The following AQR variants were observed in gnomAD, a reference collection of about 807,000 sequenced individuals.
AQR encodes the protein aquarius intron-binding spliceosomal factor, also known as RNA helicase aquarius.
AQR carries 61 observed loss-of-function variants against 180.5 expected under a neutral mutation model. The ratio of observed to expected loss-of-function variants is 0.34; its 90% CI spans 0.28 to 0.42. AQR has a LOEUF of 0.42. Ranked by LOEUF, AQR falls within the 10% of genes least tolerant of loss-of-function variation. AQR has a pLI of 1.00. For missense variants in AQR, 1,281 were observed against 1,798.3 expected (o/e 0.71, Z 5.20); for synonymous variants, 551 against 588.8 (o/e 0.94, Z 0.93).
intron 31 of AQR, chr15:34,869,139 T>A (rs1408168504): frequency 6.6e-6 from 1 of 151,974 alleles, no homozygotes; most frequent in Non-Finnish European, 1.5e-5. Flanking sequence ...AGTTCTAGAG[T>A]TTCAGTTGTT....
intron 12 of AQR, 39 bp from the exon 13 acceptor site, chr15:34,927,177 T>G (rs773580854): frequency 2.0e-5 from 23 of 1,168,466 alleles, no homozygotes; most frequent in Non-Finnish European, 2.8e-5. Flanking sequence ...AATTAATGTC[T>G]ACATATTAAT....
At chr15:34,925,787 C>T (rs897393173) in intron 13 of AQR, among the ~76,000 whole-genome samples, 7 of 150,896 alleles carry the variant, frequency 4.6e-5, no homozygotes, top group South Asian at 4.2e-4. Flanking sequence ...GAGCCGAGAT[C>T]GCACCACTGC....
At chr15:34,938,836 C>A (rs781669885) in intron 8 of AQR, 23 bp from the exon 9 acceptor site, 2 of 1,533,446 alleles carry the variant, frequency 1.3e-6, no homozygotes, top group Admixed American at 1.8e-5. Flanking sequence ...AGAACATTGA[C>A]CAATTATTTT....
intron 14 of AQR, among the ~76,000 whole-genome samples, chr15:34,919,481 T>C (rs954201237): frequency 1.3e-5 from 2 of 152,322 alleles, no homozygotes; most frequent in East Asian, 1.9e-4. Flanking sequence ...TGTAGCACTA[T>C]ACATTTTAAA....
chr15:34,952,976 G>T, intron 3 of AQR, 56 bp from the exon 4 acceptor site: 1 of 1,044,640 alleles, frequency 9.6e-7, no homozygotes. Context: ...ACGTTTCAGA[G>T]TTATTAACAC....
intron 3 of AQR, among the ~76,000 whole-genome samples, chr15:34,956,669 C>G (rs2140505853): frequency 2.2e-5 from 1 of 44,612 alleles, no homozygotes; most frequent in Admixed American, 2.7e-4. Flanking sequence ...AATAAAAGAA[C>G]AGAACAGAAT....
At chr15:34,927,160 T>A in intron 12 of AQR, 22 bp from the exon 13 acceptor site, 1 of 1,382,686 alleles carries the variant, frequency 7.2e-7, no homozygotes, top group African/African-American at 1.5e-5. Flanking sequence ...TGGCAAAAAA[T>A]ATTAATAATT....
intron 24 of AQR, among the ~76,000 whole-genome samples, chr15:34,887,735 A>C (rs1006710881): frequency 6.6e-6 from 1 of 152,230 alleles, no homozygotes; most frequent in East Asian, 1.9e-4. Flanking sequence ...ACAAAAGAAG[A>C]AGTCATGTTC....
At chr15:34,961,992 G>A (rs2050282183) in intron 2 of AQR, among the ~76,000 whole-genome samples, 3 of 150,930 alleles carry the variant, frequency 2.0e-5, no homozygotes, top group Admixed American at 2.0e-4. Flanking sequence ...GCTTTAACAT[G>A]CTATAATATT....
intron 3 of AQR, among the ~76,000 whole-genome samples, chr15:34,953,327 T>C (rs1043605755): frequency 1.3e-5 from 2 of 152,232 alleles, no homozygotes; most frequent in African/African-American, 2.4e-5. Context: ...AACAATGATA[T>C]AGTCATGTTT....
Position 34,867,507 on chromosome 15 carries a change from A to G in AQR, c.3854+17T>C, listed in dbSNP as rs181960495. 3.0e-4 allele frequency: 488 copies of G among 1,600,766 alleles called. 1 individual carries two copies. The African/African-American group carries it at 5.9e-3, about 19-fold the overall frequency. ...AGTAAAGTTCAATAAATATTATGAA[A>G]GTTTTTTCCTACGTACCTCAGATGG... On this transcript the variant is annotated intron_variant, in intron 32 of 34. Transcript: ENST00000156471.
chr15:34,925,824 C>G (rs570336099), intron 13 of AQR, among the ~76,000 whole-genome samples: 1 of 151,280 alleles, frequency 6.6e-6, no homozygotes, highest in African/African-American at 2.4e-5. Context: ...TAGAGCAAGA[C>G]TCCGTCTCAA....
At chr15:34,916,978 C>T (rs1364674612) in intron 15 of AQR, among the ~76,000 whole-genome samples, 2 of 151,870 alleles carry the variant, frequency 1.3e-5, no homozygotes, top group African/African-American at 4.8e-5. Flanking sequence ...CTTGTAACCA[C>T]CTTGTCAGCT....
chr15:34,919,718 G>A (rs985655278), intron 14 of AQR, among the ~76,000 whole-genome samples: 6 of 151,920 alleles, frequency 3.9e-5, no homozygotes, highest in Admixed American at 3.3e-4. Flanking sequence ...CCAACGTGGC[G>A]AAACTCTATC....
Position 34,860,448 on chromosome 15 carries a change from T to C in AQR, c.4030-293A>G, listed in dbSNP as rs3858931. Reference sequence around the variant, plus strand: ...GACTTCATGAAGAATAGTGATTCCATTGAAATTTAGAAAGGTTAGAGACTA... The same window carrying C: ...GACTTCATGAAGAATAGTGATTCCACTGAAATTTAGAAAGGTTAGAGACTA... On this transcript the variant is annotated intron_variant, in intron 33 of 34. Transcript: ENST00000156471. Among the ~76,000 whole-genome samples, 74,137 of 151,594 alleles carry C rather than the reference T, an allele frequency of 0.49. 19,642 individuals carry two copies. Among genetic ancestry groups the C allele is most frequent in the Non-Finnish European group, 0.61 (41,127 of 67,886 alleles).
At chr15:34,944,491 C>T (rs1894080060) in intron 5 of AQR, 63 bp from the exon 6 acceptor site, 1 of 1,475,220 alleles carries the variant, frequency 6.8e-7, no homozygotes, top group Non-Finnish European at 9.0e-7. Flanking sequence ...TTAAAGAAGC[C>T]CTAGTAGGCT....
At chr15:34,966,146 C>A (rs949145000) in intron 1 of AQR, among the ~76,000 whole-genome samples, 2 of 152,028 alleles carry the variant, frequency 1.3e-5, no homozygotes, top group South Asian at 4.1e-4. Context: ...TTAAAGTAAA[C>A]CTTACTGAAA....
intron 24 of AQR, among the ~76,000 whole-genome samples, chr15:34,888,651 G>A (rs1014884148): frequency 6.6e-6 from 1 of 150,452 alleles, no homozygotes; most frequent in African/African-American, 2.4e-5. Context: ...GAGCTGAGAC[G>A]GTGCCACTGC....
rs765036850 is a variant in AQR, at chr15:34,920,229, A to T, written c.1221+103T>A. ...AAAACAAAATGGGAATTATCTGCCT[A>T]ATCTTTGGCCCACAAAAAAATCTAT... is the stretch of plus-strand genomic sequence containing the variant. On this transcript the variant is annotated intron_variant, in intron 14 of 34. Coordinates refer to ENST00000156471, the MANE Select transcript of AQR (RefSeq NM_014691.3). 8.7e-5 allele frequency: 63 copies of T among 726,344 alleles called. 1 individual carries two copies. Among genetic ancestry groups the T allele is most frequent in the Admixed American group, 1.8e-4 (6 of 33,308 alleles). 45.0% of individuals were successfully genotyped at this position (726,344 alleles called of 1,614,324 possible).
Sources: gnomAD v4.1 joint callset for allele counts (sites outside exome capture counted in the v4.1 genomes callset) on GRCh38, gnomAD v4.1.1 for gene constraint, MANE v1.5 for transcripts, NCBI Gene and HGNC (gene_info 2026-07-23, HGNC 2026-07-21) for gene names.